The following CARD14 variants were observed in gnomAD, a reference collection of about 807,000 sequenced individuals.
CARD14 encodes caspase recruitment domain-containing protein 14.
In CARD14, 107 loss-of-function variants were observed where a neutral mutation model predicts 111.5. The ratio of observed to expected loss-of-function variants is 0.96; its 90% CI spans 0.82 to 1.13. The LOEUF is 1.13. Among genes scored for constraint, CARD14 ranks in the 50% most tolerant of loss-of-function variants. CARD14 has a pLI of 0.00. For synonymous variants in CARD14, 617 were observed against 579.6 expected (o/e 1.06, Z -0.93); for missense variants, 1,322 against 1,362.3 (o/e 0.97, Z 0.47).
intron 11 of CARD14, 129 bp from the exon 12 acceptor site, chr17:80,192,374 C>G (rs2144278463): frequency 3.1e-6 from 2 of 650,402 alleles, no homozygotes; most frequent in East Asian, 5.4e-5. Context: ...CAATTGTTTT[C>G]CCTGGAAGCT....
rs140536892 is a variant in CARD14 at position 80,207,062 on chromosome 17, C to T, written c.2784C>T (p.Asn928=). 48 of 1,613,720 alleles carry T rather than the reference C, an allele frequency of 3.0e-5. No individual in the cohort carries two copies. The Middle Eastern group carries it at 8.2e-4, about 28-fold the overall frequency. Residue 928 remains asparagine, a synonymous_variant, in exon 23 of 24, where the codon AAC becomes AAT. Coordinates refer to ENST00000648509, the MANE Select transcript of CARD14 (RefSeq NM_001366385.1). The stretch of plus-strand genomic sequence containing the variant: ...CCATCGTCATCCACGTCTCTGTCAA[C>T]GAGAAGATGGCAAAGAAGCTCAAGT... ...IFPIVIHVSV[N]EKMAKKLKKG... is the part of the protein sequence containing the mutation.
In CARD14 at chr17:80,203,702, C is replaced by G; in HGVS notation, c.2220-120C>G. ...CTGCAGCAAAGGGATGTGTGGAGCT[C>G]TAGGTGGAGGCCCTTCTCTCCCACC... On this transcript the variant is annotated intron_variant, in intron 18 of 23. Coordinates refer to ENST00000648509, the MANE Select transcript of CARD14 (RefSeq NM_001366385.1). This position sits in a 1 kb window ranked among gnomAD's most constrained non-coding sequence, Gnocchi z 4.6. 1 of 690,626 alleles carries G rather than the reference C, an allele frequency of 1.4e-6. No homozygotes were observed. The allele number at this position is 690,626 out of a possible 1,614,324, so 42.8% of individuals were successfully genotyped here.
intron 14 of CARD14, chr17:80,196,002 T>C (rs1254131671): frequency 9.1e-6 from 2 of 219,528 alleles, no homozygotes; most frequent in South Asian, 1.9e-4. Flanking sequence ...CAGGGTGGCT[T>C]AGTGGTGCCA....
At chr17:80,204,813 C>T in intron 20 of CARD14, 1 of 505,546 alleles carries the variant, frequency 2.0e-6, no homozygotes. Context: ...CAAAGCAGTC[C>T]CTGGAGAGCC....
rs933318122 is a variant in CARD14, at chr17:80,208,835, C to G, written c.*490C>G. ...AGGTCGCTGCCACCCTTGCCCGGGG[C>G]AGAGGCAGAAGCCCACATATGCTGT... is the stretch of plus-strand genomic sequence containing the variant. On this transcript the variant is annotated 3_prime_UTR_variant, in exon 24 of 24. Transcript: ENST00000648509. 2 of 153,470 alleles carry G rather than the reference C, an allele frequency of 1.3e-5. No individual in the cohort carries two copies. Among genetic ancestry groups the G allele is most frequent in the African/African-American group, 4.8e-5 (2 of 41,510 alleles). 9.5% of individuals were successfully genotyped at this position (153,470 alleles called of 1,614,324 possible). A position where few individuals can be genotyped will look rare whatever the true frequency, so the allele number is the denominator to read the frequency against.
In CARD14 at chr17:80,203,576, C is replaced by G. The variant is rs957240444; in HGVS notation, c.2220-246C>G. 2.1e-6 allele frequency: 1 copy of G among 474,124 alleles called. No individual in the cohort carries two copies. The highest frequency in any genetic ancestry group is 3.7e-6 in the Non-Finnish European group (1 of 268,068). The allele number at this position is 474,124 out of a possible 1,614,324, so 29.4% of individuals were successfully genotyped here. Reference sequence around the variant, plus strand: ...CTCAACAGCACCCCCTGGGTCCCGCCCCAGGACAAGTAAATCAGCATCTCC... The same window carrying G: ...CTCAACAGCACCCCCTGGGTCCCGCGCCAGGACAAGTAAATCAGCATCTCC... On this transcript the variant is annotated intron_variant, in intron 18 of 23. Transcript: ENST00000648509. This position sits in a 1 kb window ranked among gnomAD's most constrained non-coding sequence, Gnocchi z 4.6.
rs111745899 is a variant in CARD14, at chr17:80,208,119, C to A, written c.2808-19C>A. Reference sequence around the variant, plus strand: ...TTGCTCTCCCCTGAGCCCGCCCCCCCCAACTCTGGCCTGTGCAGGAAGGGC... The same window carrying A: ...TTGCTCTCCCCTGAGCCCGCCCCCCACAACTCTGGCCTGTGCAGGAAGGGC... On this transcript the variant is annotated intron_variant, in intron 23 of 23. Transcript: ENST00000648509. The A allele has an allele frequency of 0.14, 209,093 of 1,500,924 alleles. 16,107 individuals are homozygous for A. The highest frequency in any genetic ancestry group is 0.15 in the Non-Finnish European group (170,665 of 1,114,888). The allele number at this position is 1,500,924 out of a possible 1,614,324, so 93.0% of individuals were successfully genotyped here.
intron 2 of CARD14, 89 bp downstream of exon 2, chr17:80,173,317 C>A (rs573268669): frequency 8.8e-6 from 1 of 113,048 alleles, no homozygotes; most frequent in African/African-American, 3.3e-5. Context: ...CACACACACA[C>A]ACACACACGC....
chr17:80,197,516 GA>G (rs1434370059), intron 14 of CARD14: 1 of 149,588 alleles, frequency 6.7e-6, no homozygotes, highest in Non-Finnish European at 1.5e-5. Context: ...CTGGGCGACA[GA>G]GTGAGACTCT....
chr17:80,203,871 A>C lies in CARD14; in HGVS notation c.2269A>C (p.Thr757Pro), dbSNP rs1401670592. 1.9e-6 allele frequency: 3 copies of C among 1,596,632 alleles called. No individual in the cohort carries two copies. Among genetic ancestry groups the C allele is most frequent in the Non-Finnish European group, 2.6e-6 (3 of 1,172,638 alleles). The change falls in exon 19 of 24, where the codon ACC becomes CCC. Residue 757 changes from threonine to proline, a missense_variant. Coordinates refer to ENST00000648509, the MANE Select transcript of CARD14 (RefSeq NM_001366385.1). The surrounding 1 kb of genome is among the most constrained non-coding windows in gnomAD (Gnocchi z 4.6). The stretch of plus-strand genomic sequence containing the variant: ...CATCCAGGACATGACTCAGCAGTGC[A>C]CCGTGACCCGCAAGGTGAGGCTCCA... ...ALIQDMTQQC[T>P]VTRKPSSGGP...
At chr17:80,180,976 T>C (rs1463228138) in intron 4 of CARD14, among the ~76,000 whole-genome samples, 1 of 152,092 alleles carries the variant, frequency 6.6e-6, no homozygotes, top group Non-Finnish European at 1.5e-5. Context: ...TTTGCCAGGC[T>C]GGTCTCGAAC....
Position 80,208,708 on chromosome 17 carries a change from A to C in CARD14, c.*363A>C. On this transcript the variant is annotated 3_prime_UTR_variant, in exon 24 of 24. Transcript: ENST00000648509. ...CCGCCTGTCTGCAGGCCCGATTCAA[A>C]TCTATGGGGGCTGCACTTCCCTTTT... is the stretch of plus-strand genomic sequence containing the variant. The C allele has an allele frequency of 3.9e-5, 8 of 203,898 alleles. No individual in the cohort carries two copies. The highest frequency in any genetic ancestry group is 5.9e-5 in the Non-Finnish European group (6 of 102,230). The allele number at this position is 203,898 out of a possible 1,614,324, so 12.6% of individuals were successfully genotyped here.
rs531556673 is a variant in CARD14 at position 80,175,952 on chromosome 17, GTTTTTTTTTTTTTTTTT to G, written c.-366-2532_-366-2516del. On this transcript the variant is annotated intron_variant, in intron 2 of 23. Transcript: ENST00000648509. ...TGGGATTGCCAGCTGCTCTCGGATC[GTTTTTTTTTTTTTTTTT>G]TTTTTTTTTTTTTTTTTTTTTTTAA... Among the ~76,000 whole-genome samples the G allele has an allele frequency of 2.4e-4, 13 of 53,472 alleles. 1 individual carries two copies. The highest frequency in any genetic ancestry group is 9.2e-4 in the African/African-American group (11 of 12,010). 35.1% of individuals were successfully genotyped at this position (53,472 alleles called of 152,430 possible).
rs904420586 is a variant in CARD14, at chr17:80,207,273, G to A, written c.2807+188G>A. On this transcript the variant is annotated intron_variant, in intron 23 of 23. Coordinates refer to ENST00000648509, the MANE Select transcript of CARD14 (RefSeq NM_001366385.1). Reference sequence around the variant, plus strand: ...TCATGAGATTCCCCTGATTTTGGCCGGGCGTGGTGGCTCACGCCTGTAATC... The same window carrying A: ...TCATGAGATTCCCCTGATTTTGGCCAGGCGTGGTGGCTCACGCCTGTAATC... 5.9e-5 allele frequency among the ~76,000 whole-genome samples: 9 copies of A among 152,168 alleles called. No homozygotes were observed. The East Asian group carries it at 1.2e-3, about 20-fold the overall frequency.
chr17:80,186,608 G>A (rs2040353076), intron 7 of CARD14, among the ~76,000 whole-genome samples: 1 of 152,022 alleles, frequency 6.6e-6, no homozygotes, highest in Non-Finnish European at 1.5e-5. Flanking sequence ...GAGTGCAGTG[G>A]CGCCATCTCA....
intron 7 of CARD14, among the ~76,000 whole-genome samples, chr17:80,186,142 G>A (rs773457042): frequency 1.7e-4 from 26 of 152,234 alleles, no homozygotes; most frequent in Non-Finnish European, 3.1e-4. Flanking sequence ...TACCCTGGGA[G>A]CTGTGAATGA....
chr17:80,208,008 T>C (rs2041435142), intron 23 of CARD14, 130 bp from the exon 24 acceptor site: 4 of 618,856 alleles, frequency 6.5e-6, no homozygotes, highest in Admixed American at 3.4e-5. Context: ...CTATTTTCTT[T>C]ACAAGGTCCC....
Position 80,195,434 on chromosome 17 carries a change from C to A in CARD14, c.1499+101C>A. 3 of 1,509,026 alleles carry A rather than the reference C, an allele frequency of 2.0e-6. No homozygotes were observed. The highest frequency in any genetic ancestry group is 2.5e-5 in the South Asian group (2 of 78,948). 93.5% of individuals were successfully genotyped at this position (1,509,026 alleles called of 1,614,324 possible). On this transcript the variant is annotated intron_variant, in intron 13 of 23. Coordinates refer to ENST00000648509, the MANE Select transcript of CARD14 (RefSeq NM_001366385.1). This position sits in a 1 kb window ranked among gnomAD's most constrained non-coding sequence, Gnocchi z 4.7. ...TAGACCTCAGGGCATCTGGGTATTG[C>A]AGGCAGCAGCTCCTGCCCTCGAAGC...
In CARD14 at chr17:80,183,953, G is replaced by A. The variant is rs1322246567; in HGVS notation, c.390G>A (p.Gly130=). Reference sequence around the variant, plus strand: ...CCAAGCTGACCGAGTGCCTGGCTGGGGCCATCGGCAGCCTGCAGGAGGAGC... The same window carrying A: ...CCAAGCTGACCGAGTGCCTGGCTGGAGCCATCGGCAGCCTGCAGGAGGAGC... ...ETSKLTECLA[G]AIGSLQEELN... is the part of the protein sequence containing the mutation. The change falls in exon 7 of 24, where the codon GGG becomes GGA. Residue 130 remains glycine, a synonymous_variant. Transcript: ENST00000648509. 3.9e-6 allele frequency: 6 copies of A among 1,541,634 alleles called. No homozygotes were observed. The highest frequency in any genetic ancestry group is 5.3e-6 in the Non-Finnish European group (6 of 1,142,708).
Sources: gnomAD v4.1 joint callset for allele counts (sites outside exome capture counted in the v4.1 genomes callset) on GRCh38, gnomAD v4.1.1 for gene constraint, Gnocchi (gnomAD v3.1) non-coding constraint, MANE v1.5 for transcripts, NCBI Gene and HGNC (gene_info 2026-07-23, HGNC 2026-07-21) for gene names.